The following SPESP1 variants were observed in gnomAD, a reference collection of about 807,000 sequenced individuals.
The protein encoded by SPESP1 is sperm equatorial segment protein 1.
A neutral mutation model predicts 3.1 loss-of-function variants in SPESP1; 1 was observed. The ratio of observed to expected loss-of-function variants is 0.33; its 90% CI spans 0.12 to 1.54. The LOEUF (loss-of-function observed/expected upper bound fraction) is 1.54. Among genes scored for constraint, SPESP1 ranks in the 40% most tolerant of loss-of-function variants. SPESP1 has a pLI of 0.38. For missense variants in SPESP1, 398 were observed against 410.1 expected (o/e 0.97, Z 0.26); for synonymous variants, 138 against 150.7 (o/e 0.92, Z 0.62).
chr15:68,930,793 C>T (rs1895512650), intron 1 of SPESP1, 76 bp downstream of exon 1: 7 of 1,604,530 alleles, frequency 4.4e-6, no homozygotes, highest in South Asian at 1.1e-5. Context: ...ACCTCGAAGC[C>T]TGGCCCTTCC....
chr15:68,945,108 A>G (rs924490114), intron 1 of SPESP1, among the ~76,000 whole-genome samples: 3 of 152,214 alleles, frequency 2.0e-5, no homozygotes, highest in African/African-American at 7.2e-5. Context: ...TGAGTTTGGG[A>G]TATTTATTAC....
chr15:68,946,650 G>A lies in SPESP1; in HGVS notation c.*63G>A. 2 of 1,325,568 alleles carry A rather than the reference G, an allele frequency of 1.5e-6. No homozygotes were observed. The highest frequency in any genetic ancestry group is 3.5e-5 in the Admixed American group (1 of 28,792). The allele number at this position is 1,325,568 out of a possible 1,614,324, so 82.1% of individuals were successfully genotyped here. On this transcript the variant is annotated 3_prime_UTR_variant, in exon 2 of 2. Transcript: ENST00000310673. ...ATAACAAAGCTGATTTAAGCAAACTGCATTTTTTCACAGGAGAAATAATCA... is the reference window on the plus strand; with the variant it reads ...ATAACAAAGCTGATTTAAGCAAACTACATTTTTTCACAGGAGAAATAATCA...
At chr15:68,937,532 G>A (rs1895713754) in intron 1 of SPESP1, among the ~76,000 whole-genome samples, 1 of 151,828 alleles carries the variant, frequency 6.6e-6, no homozygotes, top group Non-Finnish European at 1.5e-5. Flanking sequence ...TCCATGTGTA[G>A]AACGTGCAGT....
intron 1 of SPESP1, among the ~76,000 whole-genome samples, chr15:68,943,029 A>G (rs1895866908): frequency 2.0e-5 from 3 of 152,072 alleles, no homozygotes; most frequent in Admixed American, 2.0e-4. Context: ...CTTGAAACTT[A>G]AAAAAATAAA....
rs779446422 is a variant in SPESP1 at position 68,945,798 on chromosome 15, T to A, written c.264T>A (p.Asp88Glu). The A allele has an allele frequency of 1.9e-6, 3 of 1,613,956 alleles. No individual in the cohort carries two copies. In the Admixed American group the frequency reaches 5.0e-5, roughly 27 times the overall value. ...VTHGDASTEN[D>E]VLTNPISEET... ...ATGGAGACGCTTCAACTGAGAATGA[T>A]GTTTTAACCAATCCTATCAGTGAAG... The change falls in exon 2 of 2, where the codon GAT becomes GAA. Residue 88 changes from aspartate (D) to glutamate (E), a missense_variant. By Grantham distance (45) the Asp-to-Glu change is conservative. Coordinates refer to ENST00000310673, the MANE Select transcript of SPESP1 (RefSeq NM_145658.4).
intron 1 of SPESP1, among the ~76,000 whole-genome samples, chr15:68,932,242 A>G (rs984837890): frequency 2.0e-5 from 3 of 152,188 alleles, no homozygotes; most frequent in African/African-American, 7.2e-5. Flanking sequence ...TGACTAACAT[A>G]TATGGAGACT....
At chr15:68,935,983 C>T (rs1054089833) in intron 1 of SPESP1, among the ~76,000 whole-genome samples, 2 of 152,178 alleles carry the variant, frequency 1.3e-5, no homozygotes, top group Non-Finnish European at 2.9e-5. Flanking sequence ...TGCATTATTA[C>T]AGCTTTCAGT....
intron 1 of SPESP1, among the ~76,000 whole-genome samples, chr15:68,939,062 A>G (rs977509235): frequency 2.0e-5 from 3 of 152,168 alleles, no homozygotes; most frequent in African/African-American, 7.2e-5. Context: ...TTCTTCCTGT[A>G]CTATTTCAAG....
At chr15:68,936,167 G>A (rs1379407954) in intron 1 of SPESP1, among the ~76,000 whole-genome samples, 1 of 152,174 alleles carries the variant, frequency 6.6e-6, no homozygotes, top group Non-Finnish European at 1.5e-5. Flanking sequence ...ATATGTTTAA[G>A]TTTTATATAC....
chr15:68,940,999 G>C (rs1028678708), intron 1 of SPESP1, among the ~76,000 whole-genome samples: 3 of 151,576 alleles, frequency 2.0e-5, no homozygotes, highest in African/African-American at 7.3e-5. Flanking sequence ...TATATTTTCT[G>C]TTCTGCTCCA....
chr15:68,934,951 T>C (rs556778826), intron 1 of SPESP1, among the ~76,000 whole-genome samples: 1 of 152,158 alleles, frequency 6.6e-6, no homozygotes, highest in Non-Finnish European at 1.5e-5. Context: ...TTTTCTGATG[T>C]TAACTGATTG....
chr15:68,931,396 T>A (rs1193333888), intron 1 of SPESP1, among the ~76,000 whole-genome samples: 3 of 152,148 alleles, frequency 2.0e-5, no homozygotes, highest in African/African-American at 7.2e-5. Context: ...GCTCATTCCT[T>A]TACGTATTGC....
At chr15:68,930,976 C>T (rs1394215772) in intron 1 of SPESP1, among the ~76,000 whole-genome samples, 1 of 152,222 alleles carries the variant, frequency 6.6e-6, no homozygotes, top group Admixed American at 6.5e-5. Context: ...CCTCACCTCA[C>T]CGGAGGCCTT....
At chr15:68,943,331 C>T (rs1025751777) in intron 1 of SPESP1, among the ~76,000 whole-genome samples, 1 of 152,082 alleles carries the variant, frequency 6.6e-6, no homozygotes, top group Non-Finnish European at 1.5e-5. Context: ...TTTATGCTTT[C>T]TTTTTCACTT....
At chr15:68,939,261 T>A (rs973015590) in intron 1 of SPESP1, among the ~76,000 whole-genome samples, 18 of 152,240 alleles carry the variant, frequency 1.2e-4, no homozygotes, top group African/African-American at 4.1e-4. Flanking sequence ...ATGTTTGCTT[T>A]AATCACTTAC....
chr15:68,933,495 C>T (rs1036500049), intron 1 of SPESP1, among the ~76,000 whole-genome samples: 1 of 151,800 alleles, frequency 6.6e-6, no homozygotes, highest in African/African-American at 2.4e-5. Context: ...TAATGTATTC[C>T]CTCTTTAATG....
intron 1 of SPESP1, among the ~76,000 whole-genome samples, chr15:68,943,074 GGTGTGTGTGTGT>G (rs367666234): frequency 3.4e-5 from 5 of 147,736 alleles, no homozygotes; most frequent in Admixed American, 2.7e-4. Flanking sequence ...TTAAATGATT[GGTGTGTGTGTGT>G]GTGTGTGTGT....
At chr15:68,940,186 G>A (rs1484741986) in intron 1 of SPESP1, among the ~76,000 whole-genome samples, 1 of 152,062 alleles carries the variant, frequency 6.6e-6, no homozygotes, top group Non-Finnish European at 1.5e-5. Flanking sequence ...GTTCTTTAGT[G>A]GTGATTTCTA....
intron 1 of SPESP1, among the ~76,000 whole-genome samples, 181 bp from the exon 2 acceptor site, chr15:68,945,418 A>G (rs1895933406): frequency 6.6e-6 from 1 of 152,222 alleles, no homozygotes; most frequent in Non-Finnish European, 1.5e-5. Flanking sequence ...AAGAACCTGA[A>G]GAAATAATTT....
Sources: gnomAD v4.1 joint callset for allele counts (sites outside exome capture counted in the v4.1 genomes callset) on GRCh38, gnomAD v4.1.1 for gene constraint, MANE v1.5 for transcripts, NCBI Gene and HGNC (gene_info 2026-07-23, HGNC 2026-07-21) for gene names.